Variants in CTNND2 observed in about 807,000 individuals in gnomAD.
The protein encoded by CTNND2 is catenin delta-2.
CTNND2 carries 22 observed loss-of-function variants against 144.4 expected under a neutral mutation model. The observed-to-expected ratio is 0.15, with a 90% confidence interval of 0.11 to 0.22. CTNND2 has a LOEUF of 0.22. CTNND2 is among the 10% of genes least tolerant of loss of function. The probability of loss-of-function intolerance (pLI) is 1.00; values close to 1 mark genes in which losing one functional copy is unlikely to be tolerated. For synonymous variants in CTNND2, 751 were observed against 695.6 expected (o/e 1.08, Z -1.25); for missense variants, 1,353 against 1,618.8 (o/e 0.84, Z 2.82).
At chr5:11,243,360 C>T (rs752053537) in intron 9 of CTNND2, among the ~76,000 whole-genome samples, 3 of 152,096 alleles carry the variant, frequency 2.0e-5, no homozygotes, top group Non-Finnish European at 4.4e-5. Context: ...AACATCGAGT[C>T]CATCTGTCCC....
chr5:11,373,279 G>T (rs1757625997), intron 7 of CTNND2, among the ~76,000 whole-genome samples: 1 of 152,168 alleles, frequency 6.6e-6, no homozygotes. Context: ...GTCTCACTAT[G>T]TTGCTCAAGC....
chr5:11,554,954 C>A (rs976272970), intron 3 of CTNND2, among the ~76,000 whole-genome samples: 6 of 150,820 alleles, frequency 4.0e-5, no homozygotes, highest in African/African-American at 1.5e-4. Flanking sequence ...ATAAAATGTA[C>A]ATAACATAAA....
At chr5:11,368,555 T>C (rs1289897767) in intron 7 of CTNND2, among the ~76,000 whole-genome samples, 6 of 152,222 alleles carry the variant, frequency 3.9e-5, no homozygotes, top group African/African-American at 1.4e-4. Context: ...GTTTAATCCT[T>C]GGCTCTCATT....
At chr5:10,987,528 G>A (rs987492152) in intron 20 of CTNND2, among the ~76,000 whole-genome samples, 3 of 152,166 alleles carry the variant, frequency 2.0e-5, no homozygotes, top group African/African-American at 7.2e-5. Context: ...CTCTAAGGAA[G>A]CTTCTTTGGG....
chr5:11,801,676 T>C (rs924696019), intron 1 of CTNND2, among the ~76,000 whole-genome samples: 5 of 152,284 alleles, frequency 3.3e-5, no homozygotes, highest in Non-Finnish European at 7.4e-5. Context: ...TTATACTGTA[T>C]TATTTGGAAC....
At chr5:11,060,519 G>A (rs1219433361) in intron 16 of CTNND2, among the ~76,000 whole-genome samples, 1 of 152,190 alleles carries the variant, frequency 6.6e-6, no homozygotes, top group African/African-American at 2.4e-5. Context: ...CAACACGAGA[G>A]TCTAGACTCG....
chr5:11,708,643 C>A (rs533657779), intron 2 of CTNND2, among the ~76,000 whole-genome samples: 3 of 152,068 alleles, frequency 2.0e-5, no homozygotes, highest in African/African-American at 7.2e-5. Context: ...GGCTCAAGTA[C>A]GATGAAGACA....
At chr5:11,562,737 C>T (rs1007791142) in intron 3 of CTNND2, among the ~76,000 whole-genome samples, 6 of 152,156 alleles carry the variant, frequency 3.9e-5, no homozygotes, top group Non-Finnish European at 7.4e-5. Context: ...TTTCTGTCTA[C>T]CTTGGAATTA....
In CTNND2 at chr5:11,275,679, G is replaced by A. The variant is rs529128570; in HGVS notation, c.1629-38856C>T. Reference sequence around the variant, plus strand: ...TATTCTCTCCCTTAAACCTTTCTCAGTTCCCTGCTTATTTATAAACTCCTA... The same window carrying A: ...TATTCTCTCCCTTAAACCTTTCTCAATTCCCTGCTTATTTATAAACTCCTA... On this transcript the variant is annotated intron_variant, in intron 9 of 21. Transcript: ENST00000304623. Among the ~76,000 whole-genome samples the A allele has an allele frequency of 7.2e-5, 11 of 152,258 alleles. No individual in the cohort carries two copies. In the South Asian group the frequency reaches 1.7e-3, roughly 23 times the overall value.
chr5:11,447,130 G>C (rs1053546715), intron 3 of CTNND2, among the ~76,000 whole-genome samples: 1 of 152,024 alleles, frequency 6.6e-6, no homozygotes, highest in Non-Finnish European at 1.5e-5. Flanking sequence ...GCTCAATTGC[G>C]GCCAGGAATT....
intron 2 of CTNND2, among the ~76,000 whole-genome samples, chr5:11,606,433 G>C (rs1443318948): frequency 6.6e-6 from 1 of 152,180 alleles, no homozygotes; most frequent in Non-Finnish European, 1.5e-5. Context: ...AAGGCAGTAA[G>C]GGAAAGAGAC....
At chr5:11,323,231 TG>T (rs374479685) in intron 9 of CTNND2, among the ~76,000 whole-genome samples, 13,261 of 121,676 alleles carry the variant, frequency 0.11, 1,295 homozygotes, top group African/African-American at 0.25. Flanking sequence ...ATTTAGAGAT[TG>T]GGGGGGGGGG....
chr5:11,268,904 T>C (rs1186510048), intron 9 of CTNND2, among the ~76,000 whole-genome samples: 1 of 152,208 alleles, frequency 6.6e-6, no homozygotes, highest in African/African-American at 2.4e-5. Flanking sequence ...TGCAAAGGTT[T>C]TCAGTAGGAT....
At chr5:11,348,349 T>C (rs1754997672) in intron 8 of CTNND2, among the ~76,000 whole-genome samples, 1 of 144,340 alleles carries the variant, frequency 6.9e-6, no homozygotes, top group Non-Finnish European at 1.5e-5. Context: ...AGGCAAGTCA[T>C]AAACTTGCTC....
intron 12 of CTNND2, among the ~76,000 whole-genome samples, chr5:11,148,124 T>A (rs185149638): frequency 8.5e-5 from 13 of 152,304 alleles, no homozygotes; most frequent in African/African-American, 2.4e-4. Context: ...AAGAGATAGA[T>A]TCATAGAGAA....
chr5:11,509,772 C>T (rs1304668663), intron 3 of CTNND2, among the ~76,000 whole-genome samples: 1 of 152,296 alleles, frequency 6.6e-6, no homozygotes, highest in East Asian at 1.9e-4. Flanking sequence ...AATTTTAACA[C>T]AGACACAGCT....
chr5:11,349,846 A>T (rs1195729636), intron 8 of CTNND2, among the ~76,000 whole-genome samples: 2 of 152,172 alleles, frequency 1.3e-5, no homozygotes, highest in Non-Finnish European at 2.9e-5. Context: ...CAAAATTGTT[A>T]TGTTAACTAA....
intron 2 of CTNND2, among the ~76,000 whole-genome samples, chr5:11,641,037 G>A (rs1431802159): frequency 6.6e-6 from 1 of 152,108 alleles, no homozygotes; most frequent in Non-Finnish European, 1.5e-5. Flanking sequence ...TGTTTACTGT[G>A]AGACACATGG....
intron 2 of CTNND2, among the ~76,000 whole-genome samples, chr5:11,581,344 A>G (rs1178161430): frequency 1.3e-5 from 2 of 152,162 alleles, no homozygotes; most frequent in Non-Finnish European, 2.9e-5. Context: ...GCCCTGTGTA[A>G]CCTGCAAATT....
Sources: allele counts gnomAD v4.1 joint callset (sites outside exome capture counted in the v4.1 genomes callset), GRCh38; gene constraint gnomAD v4.1.1; transcripts MANE v1.5; gene names NCBI Gene and HGNC (gene_info 2026-07-23, HGNC 2026-07-21).